The following MYO3B variants were observed in gnomAD, a reference collection of about 807,000 sequenced individuals.
MYO3B encodes myosin-IIIb.
In MYO3B, 156 loss-of-function variants were observed where a neutral mutation model predicts 174.6. The ratio of observed to expected loss-of-function variants is 0.89; its 90% CI spans 0.78 to 1.02. MYO3B has a LOEUF of 1.02. MYO3B is among the 50% of genes least tolerant of loss of function. The pLI, the probability that MYO3B is intolerant of heterozygous loss-of-function variation, is 0.00. For synonymous variants in MYO3B, 563 were observed against 569.1 expected, an observed-to-expected ratio of 0.99 and a Z score of 0.15; for missense variants, 1,632 against 1,639.4, an observed-to-expected ratio of 1.00 and a Z score of 0.08.
chr2:170,627,066 T>C lies in MYO3B; in HGVS notation c.3734-24562T>C, dbSNP rs1051311278. ...TCCAGGAGTATCTATCTTTGTGGTG[T>C]TCTCTGTATTTCCTGAATTTGAATG... On this transcript the variant is annotated intron_variant, in intron 32 of 34. Transcript: ENST00000408978. 2.6e-5 allele frequency among the ~76,000 whole-genome samples: 4 copies of C among 152,064 alleles called. No homozygotes were observed. The East Asian group carries it at 7.7e-4, about 29-fold the overall frequency.
intron 32 of MYO3B, among the ~76,000 whole-genome samples, chr2:170,636,573 C>A (rs550178881): frequency 1.3e-5 from 2 of 151,936 alleles, no homozygotes; most frequent in Non-Finnish European, 1.5e-5. Flanking sequence ...TCTGCTGGGT[C>A]CCCATCTCAT....
At chr2:170,432,061 T>A (rs1280225015) in intron 22 of MYO3B, among the ~76,000 whole-genome samples, 1 of 152,266 alleles carries the variant, frequency 6.6e-6, no homozygotes, top group East Asian at 1.9e-4. Context: ...TACATAGCAC[T>A]GAATAATGAT....
chr2:170,467,416 A>G (rs966713610), intron 25 of MYO3B, among the ~76,000 whole-genome samples: 4 of 152,176 alleles, frequency 2.6e-5, no homozygotes, highest in African/African-American at 9.7e-5. Flanking sequence ...TAACCCAGAA[A>G]GTGCCTTTGC....
At chr2:170,584,463 T>A (rs1693369469) in intron 32 of MYO3B, among the ~76,000 whole-genome samples, 1 of 152,256 alleles carries the variant, frequency 6.6e-6, no homozygotes, top group Non-Finnish European at 1.5e-5. Flanking sequence ...CCTGTGGAGA[T>A]GAAGGGCAGA....
intron 32 of MYO3B, among the ~76,000 whole-genome samples, chr2:170,626,817 G>A (rs1308281711): frequency 6.6e-6 from 1 of 152,106 alleles, no homozygotes; most frequent in African/African-American, 2.4e-5. Context: ...AGCTTAGTTT[G>A]GCTGGATATG....
intron 22 of MYO3B, among the ~76,000 whole-genome samples, chr2:170,443,482 T>C (rs1233508950): frequency 6.6e-6 from 1 of 152,086 alleles, no homozygotes; most frequent in African/African-American, 2.4e-5. Flanking sequence ...CTGTGCAGAA[T>C]CTCTTTAGTT....
chr2:170,388,672 G>T (rs1051593712), intron 14 of MYO3B, among the ~76,000 whole-genome samples: 11 of 152,212 alleles, frequency 7.2e-5, no homozygotes, highest in Admixed American at 3.3e-4. Context: ...GTGTTGACAT[G>T]ATTAGGAGGC....
Position 170,336,162 on chromosome 2 carries a change from C to G in MYO3B, c.815+712C>G, listed in dbSNP as rs74688540. On this transcript the variant is annotated intron_variant, in intron 8 of 34. Coordinates refer to ENST00000408978, the MANE Select transcript of MYO3B (RefSeq NM_138995.5). Reference sequence around the variant, plus strand: ...ACTACTGGAGGAGGTTACAGGGCCCCAAGCTAGGGGCCTGGTGAATTGAGG... The same window carrying G: ...ACTACTGGAGGAGGTTACAGGGCCCGAAGCTAGGGGCCTGGTGAATTGAGG... Among the ~76,000 whole-genome samples, 394 of 151,778 alleles carry G rather than the reference C, an allele frequency of 2.6e-3. 2 individuals carry two copies. The highest frequency in any genetic ancestry group is 8.9e-3 in the African/African-American group (370 of 41,374).
chr2:170,580,538 T>C (rs1377359380), intron 32 of MYO3B, among the ~76,000 whole-genome samples: 1 of 152,178 alleles, frequency 6.6e-6, no homozygotes, highest in Non-Finnish European at 1.5e-5. Context: ...CTTGGGAGGC[T>C]GAGGCAGGAG....
chr2:170,218,378 A>G (rs1256075023), intron 6 of MYO3B, among the ~76,000 whole-genome samples: 1 of 151,166 alleles, frequency 6.6e-6, no homozygotes, highest in Admixed American at 6.6e-5. Flanking sequence ...ACTCTTTGTC[A>G]TTTTTATTTG....
chr2:170,631,654 G>C (rs1051979044), intron 32 of MYO3B, among the ~76,000 whole-genome samples: 9 of 152,006 alleles, frequency 5.9e-5, no homozygotes, highest in African/African-American at 2.2e-4. Flanking sequence ...CAGCCAGAGA[G>C]AAAGGTCGGG....
At chr2:170,336,560 C>T (rs1041991371) in intron 8 of MYO3B, among the ~76,000 whole-genome samples, 1 of 152,092 alleles carries the variant, frequency 6.6e-6, no homozygotes, top group Non-Finnish European at 1.5e-5. Flanking sequence ...CTTATGTGAA[C>T]TGATTTGATG....
intron 22 of MYO3B, among the ~76,000 whole-genome samples, chr2:170,418,527 C>T (rs1259328013): frequency 6.6e-6 from 1 of 152,276 alleles, no homozygotes; most frequent in East Asian, 1.9e-4. Flanking sequence ...AGCTCTAGCA[C>T]CTAACTGAAA....
intron 7 of MYO3B, among the ~76,000 whole-genome samples, chr2:170,314,851 C>T (rs2093763720): frequency 2.0e-5 from 3 of 152,126 alleles, no homozygotes; most frequent in Middle Eastern, 3.2e-3. Flanking sequence ...TAGAAGACTA[C>T]GCTACAGCTG....
chr2:170,456,624 T>C (rs557727494), intron 23 of MYO3B, among the ~76,000 whole-genome samples: 3 of 152,380 alleles, frequency 2.0e-5, no homozygotes, highest in South Asian at 4.1e-4. Context: ...CTGAGTTGCA[T>C]GGTAGCAGAA....
At chr2:170,375,278 AG>A (rs1003345711) in intron 9 of MYO3B, among the ~76,000 whole-genome samples, 1 of 152,136 alleles carries the variant, frequency 6.6e-6, no homozygotes, top group Non-Finnish European at 1.5e-5. Context: ...TCATTTTACA[AG>A]GGTTATTGGG....
At chr2:170,398,272 C>T (rs2105785543) in intron 16 of MYO3B, among the ~76,000 whole-genome samples, 2 of 143,318 alleles carry the variant, frequency 1.4e-5, no homozygotes, top group East Asian at 4.1e-4. Context: ...CAAGAATAGT[C>T]AAATGGAAAA....
intron 7 of MYO3B, among the ~76,000 whole-genome samples, chr2:170,248,103 T>C (rs1472366350): frequency 6.6e-6 from 1 of 152,176 alleles, no homozygotes; most frequent in African/African-American, 2.4e-5. Context: ...GAAGCTCTTG[T>C]GTTCATGCTG....
At chr2:170,495,788 G>T (rs1686823873) in intron 25 of MYO3B, among the ~76,000 whole-genome samples, 1 of 152,184 alleles carries the variant, frequency 6.6e-6, no homozygotes, top group African/African-American at 2.4e-5. Flanking sequence ...TAAATGGCTG[G>T]TCCTAAAAGT....
Sources: gnomAD v4.1 joint callset for allele counts (sites outside exome capture counted in the v4.1 genomes callset) on GRCh38, gnomAD v4.1.1 for gene constraint, MANE v1.5 for transcripts, NCBI Gene and HGNC (gene_info 2026-07-23, HGNC 2026-07-21) for gene names.